NFIA: variants seen among roughly 807,000 people sequenced by gnomAD.
NFIA encodes the protein nuclear factor I A.
A neutral mutation model predicts 62.8 loss-of-function variants in NFIA; 8 were observed. The ratio of observed to expected loss-of-function variants is 0.13; its 90% CI spans 0.07 to 0.23. NFIA has a LOEUF of 0.23. NFIA is among the 10% of genes least tolerant of loss of function. The pLI, the probability that NFIA is intolerant of heterozygous loss-of-function variation, is 1.00. For synonymous variants in NFIA, 235 were observed against 238.1 expected (o/e 0.99, Z 0.12); for missense variants, 410 against 642.1 (o/e 0.64, Z 3.91).
At chr1:61,283,177 T>C (rs1177503434) in intron 3 of NFIA, among the ~76,000 whole-genome samples, 1 of 152,238 alleles carries the variant, frequency 6.6e-6, no homozygotes, top group Non-Finnish European at 1.5e-5. Context: ...TGTACTTCTT[T>C]TCATCCGTAA....
At chr1:61,451,822 G>A (rs1309705574) in intron 10 of NFIA, among the ~76,000 whole-genome samples, 4 of 152,146 alleles carry the variant, frequency 2.6e-5, no homozygotes, top group African/African-American at 9.7e-5. Context: ...GATACAGTAG[G>A]GTAGATTAAG....
intron 2 of NFIA, among the ~76,000 whole-genome samples, chr1:61,268,072 G>T (rs1275920843): frequency 6.6e-6 from 1 of 152,190 alleles, no homozygotes; most frequent in East Asian, 1.9e-4. Flanking sequence ...GACTTGTCTA[G>T]AATCTCTAGT....
intron 9 of NFIA, among the ~76,000 whole-genome samples, chr1:61,407,610 G>A (rs1464463714): frequency 3.3e-5 from 5 of 152,266 alleles, no homozygotes; most frequent in African/African-American, 7.2e-5. Flanking sequence ...GGTGTGATGA[G>A]CACCTTCCCT....
intron 10 of NFIA, among the ~76,000 whole-genome samples, chr1:61,442,315 A>T (rs1229430546): frequency 6.6e-6 from 1 of 152,202 alleles, no homozygotes; most frequent in African/African-American, 2.4e-5. Context: ...TTCTTAAAGA[A>T]AATTATAGGT....
chr1:61,425,078 T>G (rs1263665305), intron 9 of NFIA, among the ~76,000 whole-genome samples: 1 of 152,176 alleles, frequency 6.6e-6, no homozygotes, highest in Non-Finnish European at 1.5e-5. Flanking sequence ...AGTTTCTTAT[T>G]TAAGAGACAT....
At chr1:61,227,787 T>A (rs1654423137) in intron 2 of NFIA, among the ~76,000 whole-genome samples, 1 of 151,382 alleles carries the variant, frequency 6.6e-6, no homozygotes, top group South Asian at 2.1e-4. Flanking sequence ...AACTTTAGTC[T>A]ATTCCTAATT....
intron 6 of NFIA, among the ~76,000 whole-genome samples, chr1:61,367,379 A>G (rs1253202770): frequency 6.6e-6 from 1 of 152,210 alleles, no homozygotes; most frequent in African/African-American, 2.4e-5. Flanking sequence ...TAAATCTCCC[A>G]TCATCTCTTG....
At chr1:61,153,409 A>G (rs1236349146) in intron 2 of NFIA, among the ~76,000 whole-genome samples, 7 of 152,204 alleles carry the variant, frequency 4.6e-5, no homozygotes, top group African/African-American at 1.4e-4. Flanking sequence ...CTGTAACTGT[A>G]ATTCTCTAAC....
intron 2 of NFIA, among the ~76,000 whole-genome samples, chr1:61,243,480 G>A (rs375771080): frequency 6.6e-6 from 1 of 152,124 alleles, no homozygotes; most frequent in East Asian, 1.9e-4. Flanking sequence ...CCTCATTACA[G>A]TAAATCATAG....
intron 7 of NFIA, among the ~76,000 whole-genome samples, chr1:61,386,242 G>C (rs11808403): frequency 0.013 from 2,052 of 152,282 alleles, 48 homozygotes; most frequent in African/African-American, 0.044. Context: ...GAGTATAGCT[G>C]CAAGAGTCAG....
At chr1:61,336,718 T>C (rs1329494469) in intron 4 of NFIA, among the ~76,000 whole-genome samples, 3 of 152,224 alleles carry the variant, frequency 2.0e-5, no homozygotes, top group Admixed American at 6.5e-5. Context: ...TCCATAGTTA[T>C]GCCTTTCACT....
At chr1:61,305,222 T>C (rs922614507) in intron 3 of NFIA, among the ~76,000 whole-genome samples, 1 of 151,940 alleles carries the variant, frequency 6.6e-6, no homozygotes, top group Non-Finnish European at 1.5e-5. Context: ...ATGATTGATA[T>C]TAAGGTAGCC....
At chr1:61,164,137 A>C (rs1353223250) in intron 2 of NFIA, among the ~76,000 whole-genome samples, 1 of 152,064 alleles carries the variant, frequency 6.6e-6, no homozygotes, top group East Asian at 1.9e-4. Flanking sequence ...AGTAATAGCT[A>C]GTGTTTTTAT....
intron 3 of NFIA, among the ~76,000 whole-genome samples, chr1:61,306,034 T>G (rs879317280): frequency 6.7e-6 from 1 of 150,086 alleles, no homozygotes; most frequent in South Asian, 2.1e-4. Flanking sequence ...TATTTTTTAT[T>G]AGAGACAGAG....
chr1:61,453,623 G>C (rs1668170247), intron 10 of NFIA, among the ~76,000 whole-genome samples: 1 of 152,072 alleles, frequency 6.6e-6, no homozygotes, highest in South Asian at 2.1e-4. Context: ...GATTGAAGAA[G>C]TCTGGAATTT....
At chr1:61,408,595 G>A (rs531980474) in intron 9 of NFIA, among the ~76,000 whole-genome samples, 7 of 152,224 alleles carry the variant, frequency 4.6e-5, no homozygotes, top group South Asian at 2.1e-4. Context: ...AATCAATTCC[G>A]TGGAAACAGA....
At chr1:61,200,263 C>A (rs1202583662) in intron 2 of NFIA, among the ~76,000 whole-genome samples, 3 of 151,234 alleles carry the variant, frequency 2.0e-5, no homozygotes, top group Non-Finnish European at 4.4e-5. Context: ...AATCACTTGA[C>A]CGCTCAGTGC....
intron 10 of NFIA, among the ~76,000 whole-genome samples, chr1:61,437,529 A>G (rs1441202487): frequency 1.3e-5 from 2 of 152,162 alleles, no homozygotes; most frequent in African/African-American, 4.8e-5. Flanking sequence ...TTGAGCACCT[A>G]CTATGTTCCT....
chr1:61,418,492 T>C (rs1288480116), intron 9 of NFIA, among the ~76,000 whole-genome samples: 1 of 152,018 alleles, frequency 6.6e-6, no homozygotes, highest in African/African-American at 2.4e-5. Context: ...ATAATCCCAG[T>C]CTTCAAAGAC....
Sources: gnomAD v4.1 joint callset for allele counts (sites outside exome capture counted in the v4.1 genomes callset) on GRCh38, gnomAD v4.1.1 for gene constraint, MANE v1.5 for transcripts, NCBI Gene and HGNC (gene_info 2026-07-23, HGNC 2026-07-21) for gene names.